The following ZCCHC14 variants were observed in gnomAD, a reference collection of about 807,000 sequenced individuals.
ZCCHC14 encodes zinc finger CCHC domain-containing protein 14.
In ZCCHC14, 16 loss-of-function variants were observed where a neutral mutation model predicts 85.0. The observed-to-expected ratio is 0.19, with a 90% CI of 0.13 to 0.29. The LOEUF is 0.29. Among genes scored for constraint, ZCCHC14 ranks in the 10% least tolerant of loss-of-function variants. The pLI is 1.00. For missense variants in ZCCHC14, 1,303 were observed against 1,443.5 expected (o/e 0.90, Z 1.58); for synonymous variants, 775 against 630.7 (o/e 1.23, Z -3.43).
chr16:87,409,957 G>C lies in ZCCHC14; in HGVS notation c.*323C>G, dbSNP rs970840357. On this transcript the variant is annotated 3_prime_UTR_variant, in exon 13 of 13. Transcript: ENST00000671377. ...CACGTGTAGCTGCCCTGGAATTGAC[G>C]TGTGAGCCTAGGAGGGCCAGTGATG... The C allele has an allele frequency of 2.8e-5, 6 of 216,498 alleles. No homozygotes were observed. Among genetic ancestry groups the C allele is most frequent in the Admixed American group, 5.9e-5 (1 of 16,954 alleles). The allele number at this position is 216,498 out of a possible 1,614,324, so 13.4% of individuals were successfully genotyped here. A position where few individuals can be genotyped will look rare whatever the true frequency, so the allele number is the denominator to read the frequency against.
In ZCCHC14 at chr16:87,478,764, G is replaced by A. The variant is rs568952991; in HGVS notation, c.570+12905C>T. Among the ~76,000 whole-genome samples, 101 of 151,964 alleles carry A rather than the reference G, an allele frequency of 6.6e-4. 1 individual carries two copies. Among genetic ancestry groups the A allele is most frequent in the African/African-American group, 2.2e-3 (93 of 41,462 alleles). On this transcript the variant is annotated intron_variant, in intron 1 of 12. Transcript: ENST00000671377. ...TGGGATAACAGGCGCCCGCCACCAC[G>A]CCCGGCTAATTTTTGTATTTTTAGT...
At position 87,413,023 on chromosome 16, in the gene ZCCHC14, A is replaced by T. The variant is rs1567508408; in HGVS notation, c.1744+32T>A. 4 of 1,614,132 alleles carry T rather than the reference A, an allele frequency of 2.5e-6. No individual in the cohort carries two copies. The East Asian group carries it at 8.9e-5, about 36-fold the overall frequency. ...GTCAGTGCCATTCCACAGCTGGGCC[A>T]GGTCGAGCCAGCGCCGCGCACGTGC... On this transcript the variant is annotated intron_variant, in intron 11 of 12. Transcript: ENST00000671377.
intron 1 of ZCCHC14, among the ~76,000 whole-genome samples, chr16:87,490,843 C>T (rs1342381590): frequency 6.6e-6 from 1 of 152,240 alleles, no homozygotes; most frequent in African/African-American, 2.4e-5. Context: ...ATGCGACACA[C>T]GCGTACATCA....
chr16:87,475,552 TAAAAA>T (rs35771945), intron 1 of ZCCHC14, among the ~76,000 whole-genome samples: 6 of 91,472 alleles, frequency 6.6e-5, no homozygotes, highest in African/African-American at 2.7e-4. Context: ...GACTCTGTCT[TAAAAA>T]AAAAAAAAAA....
At chr16:87,458,281 G>A (rs1001205403) in intron 2 of ZCCHC14, among the ~76,000 whole-genome samples, 7 of 152,174 alleles carry the variant, frequency 4.6e-5, no homozygotes, top group African/African-American at 1.7e-4. Flanking sequence ...GGGGAAGGAA[G>A]AGGAGGAGCC....
intron 2 of ZCCHC14, among the ~76,000 whole-genome samples, chr16:87,441,727 G>A (rs1484552816): frequency 6.6e-6 from 1 of 152,192 alleles, no homozygotes; most frequent in Admixed American, 6.5e-5. Context: ...ATATTCTAGC[G>A]CATTAAAAAG....
intron 2 of ZCCHC14, among the ~76,000 whole-genome samples, chr16:87,453,550 C>T (rs546253583): frequency 3.1e-4 from 47 of 152,336 alleles, no homozygotes; most frequent in African/African-American, 1.1e-3. Flanking sequence ...TGCACGTGCC[C>T]GCCACACACC....
At chr16:87,475,749 A>G (rs1481309777) in intron 1 of ZCCHC14, among the ~76,000 whole-genome samples, 2 of 144,050 alleles carry the variant, frequency 1.4e-5, no homozygotes, top group Non-Finnish European at 2.9e-5. Flanking sequence ...ACAATCAAAC[A>G]AAGCTTCAGG....
chr16:87,485,512 G>A (rs1232266367), intron 1 of ZCCHC14, among the ~76,000 whole-genome samples: 1 of 147,730 alleles, frequency 6.8e-6, no homozygotes, highest in Non-Finnish European at 1.5e-5. Flanking sequence ...CTTCAATAAT[G>A]TACCCTAATT....
rs1158292967 is a variant in ZCCHC14, at chr16:87,413,154, G to A, written c.1645C>T (p.Arg549Trp). The change falls in exon 11 of 13, where the codon CGG becomes TGG. Residue 549 changes from arginine (R) to tryptophan (W), a missense_variant. Transcript: ENST00000671377. ...EVEQPHHQLP[R>W]EGSSSEYSSS... The stretch of plus-strand genomic sequence containing the variant: ...GAGTACTCCGAGGAACTGCCTTCCC[G>A]GGGCAGCTGGTGATGGGGCTGCTCC... The A allele has an allele frequency of 7.5e-6, 12 of 1,602,304 alleles. No homozygotes were observed. Among genetic ancestry groups the A allele is most frequent in the Non-Finnish European group, 1.0e-5 (12 of 1,174,714 alleles).
At chr16:87,426,584 C>T (rs1909382388) in intron 3 of ZCCHC14, among the ~76,000 whole-genome samples, 3 of 152,176 alleles carry the variant, frequency 2.0e-5, no homozygotes, top group African/African-American at 7.2e-5. Flanking sequence ...TTCCACACAG[C>T]CTCCCCCTCC....
At chr16:87,442,131 G>A (rs569963177) in intron 2 of ZCCHC14, among the ~76,000 whole-genome samples, 12 of 152,292 alleles carry the variant, frequency 7.9e-5, no homozygotes, top group Admixed American at 5.2e-4. Flanking sequence ...TTGTGGGTGC[G>A]TTCACCCGGG....
rs879410359 is a variant in ZCCHC14 at position 87,484,962 on chromosome 16, G to A, written c.570+6707C>T. ...AACAGAGGGGTGTGACCAAACCGGC[G>A]GTGAGGGACCAGCCTTACACAGAAA... is the stretch of plus-strand genomic sequence containing the variant. On this transcript the variant is annotated intron_variant, in intron 1 of 12. Transcript: ENST00000671377. Among the ~76,000 whole-genome samples, 42 of 152,182 alleles carry A rather than the reference G, an allele frequency of 2.8e-4. 1 individual carries two copies. Among genetic ancestry groups the A allele is most frequent in the Admixed American group, 2.0e-3 (31 of 15,284 alleles).
chr16:87,436,788 T>C (rs1048665867), intron 2 of ZCCHC14, among the ~76,000 whole-genome samples: 7 of 152,228 alleles, frequency 4.6e-5, no homozygotes, highest in African/African-American at 1.4e-4. Flanking sequence ...CATAACATGA[T>C]GACAGTTTTG....
rs1481885989 is a variant in ZCCHC14, at chr16:87,492,550, CGCCCGT to C, written c.-318_-313del. On this transcript the variant is annotated 5_prime_UTR_variant, in exon 1 of 13. Transcript: ENST00000671377. The surrounding 1 kb of genome is among the most constrained non-coding windows in gnomAD (Gnocchi z 6.7). Reference sequence around the variant, plus strand: ...CGCTCACGGGGAGGCGCCTTCCCCGCGCCCGTGCCCAGCGGCGGCCGGTGCGCGGCG... The same window carrying C: ...CGCTCACGGGGAGGCGCCTTCCCCGCGCCCAGCGGCGGCCGGTGCGCGGCG... 6.8e-6 allele frequency: 1 copy of C among 146,094 alleles called. No individual in the cohort carries two copies. The highest frequency in any genetic ancestry group is 1.9e-4 in the South Asian group (1 of 5,336). 9.0% of individuals were successfully genotyped at this position (146,094 alleles called of 1,614,324 possible). A position where few individuals can be genotyped will look rare whatever the true frequency, so the allele number is the denominator to read the frequency against.
intron 1 of ZCCHC14, among the ~76,000 whole-genome samples, chr16:87,481,905 C>T (rs1415103880): frequency 6.6e-6 from 1 of 152,130 alleles, no homozygotes; most frequent in East Asian, 1.9e-4. Flanking sequence ...CAGCAACAGC[C>T]TGTATCTGCT....
At chr16:87,425,505 G>A (rs191401860) in intron 3 of ZCCHC14, among the ~76,000 whole-genome samples, 3 of 152,104 alleles carry the variant, frequency 2.0e-5, no homozygotes, top group Non-Finnish European at 2.9e-5. Flanking sequence ...GAACCCGGGA[G>A]GGGGAGGCTG....
chr16:87,477,480 T>TG (rs1320384309), intron 1 of ZCCHC14, among the ~76,000 whole-genome samples: 1 of 152,226 alleles, frequency 6.6e-6, no homozygotes, highest in Non-Finnish European at 1.5e-5. Flanking sequence ...CCGCAGAGTC[T>TG]GGGGCTCTCT....
chr16:87,464,868 C>A (rs561444550), intron 1 of ZCCHC14, among the ~76,000 whole-genome samples: 1 of 152,222 alleles, frequency 6.6e-6, no homozygotes, highest in Non-Finnish European at 1.5e-5. Context: ...CTGACTCAGG[C>A]TCACCCGCAG....
Sources: allele counts gnomAD v4.1 joint callset (sites outside exome capture counted in the v4.1 genomes callset), GRCh38; gene constraint gnomAD v4.1.1; non-coding constraint Gnocchi (gnomAD v3.1); transcripts MANE v1.5; gene names NCBI Gene and HGNC (gene_info 2026-07-23, HGNC 2026-07-21).